The following PDLIM3 variants were observed in gnomAD, a reference collection of about 807,000 sequenced individuals.
PDLIM3 encodes the protein PDZ and LIM domain 3.
A neutral mutation model predicts 37.3 loss-of-function variants in PDLIM3; 36 were observed. That is an observed-to-expected ratio of 0.97 (90% CI 0.74 to 1.28). The LOEUF (loss-of-function observed/expected upper bound fraction) is 1.28. PDLIM3 is among the 50% of genes most tolerant of loss of function. The pLI, the probability that PDLIM3 is intolerant of heterozygous loss-of-function variation, is 0.00. For missense variants in PDLIM3, 454 were observed against 485.0 expected (o/e 0.94, Z 0.60); for synonymous variants, 174 against 182.4 (o/e 0.95, Z 0.37).
At chr4:185,524,743 T>A (rs998061825) in intron 2 of PDLIM3, among the ~76,000 whole-genome samples, 3 of 152,256 alleles carry the variant, frequency 2.0e-5, no homozygotes, top group Non-Finnish European at 4.4e-5. Flanking sequence ...GGCTAATAGT[T>A]CTATTTTCAT....
At chr4:185,518,068 A>T (rs2095717557) in intron 3 of PDLIM3, among the ~76,000 whole-genome samples, 1 of 152,226 alleles carries the variant, frequency 6.6e-6, no homozygotes, top group Admixed American at 6.5e-5. Context: ...ATCTAGAAAA[A>T]ACCACCCAAA....
chr4:185,515,709 T>A (rs2016075), intron 3 of PDLIM3: 1 of 152,164 alleles, frequency 6.6e-6, no homozygotes, highest in South Asian at 2.1e-4. Flanking sequence ...CAACCCTGAG[T>A]TTGAAACATG....
intron 4 of PDLIM3, among the ~76,000 whole-genome samples, chr4:185,511,823 C>A (rs1320373497): frequency 3.3e-5 from 5 of 152,010 alleles, no homozygotes; most frequent in Non-Finnish European, 7.4e-5. Context: ...TGATGGATAC[C>A]CCCAATTACC....
At chr4:185,530,724 C>T (rs943249714) in intron 1 of PDLIM3, among the ~76,000 whole-genome samples, 1 of 152,068 alleles carries the variant, frequency 6.6e-6, no homozygotes, top group Admixed American at 6.6e-5. Context: ...CTGAGTAGCG[C>T]GATGAAGTCT....
At chr4:185,520,367 G>T (rs115616487) in intron 3 of PDLIM3, among the ~76,000 whole-genome samples, 2,723 of 152,204 alleles carry the variant, frequency 0.018, 47 homozygotes, top group East Asian at 0.072. Flanking sequence ...TAGTCATGAC[G>T]CAAAGTCATG....
At chr4:185,523,560 C>A in intron 2 of PDLIM3, 114 bp from the exon 3 acceptor site, 6 of 565,702 alleles carry the variant, frequency 1.1e-5, no homozygotes, top group Admixed American at 4.1e-5. Context: ...CTAACTTATG[C>A]AAAAACAATT....
intron 4 of PDLIM3, chr4:185,513,050 A>G (rs2153334919): frequency 2.0e-6 from 2 of 985,152 alleles, no homozygotes; most frequent in South Asian, 4.7e-5. Context: ...TTTATTGGGC[A>G]TTTATTTTGT....
intron 4 of PDLIM3, among the ~76,000 whole-genome samples, chr4:185,511,053 A>G (rs2095705719): frequency 6.6e-6 from 1 of 152,188 alleles, no homozygotes; most frequent in African/African-American, 2.4e-5. Context: ...TAACACACTC[A>G]ATTACTTCAT....
Position 185,525,305 on chromosome 4 carries a change from A to T in PDLIM3, c.94-134T>A, listed in dbSNP as rs2095731255. 39 of 883,280 alleles carry T rather than the reference A, an allele frequency of 4.4e-5. No homozygotes were observed. In the South Asian group the frequency reaches 5.4e-4, roughly 12 times the overall value. 54.7% of individuals were successfully genotyped at this position (883,280 alleles called of 1,614,324 possible). A position where few individuals can be genotyped will look rare whatever the true frequency, so the allele number is the denominator to read the frequency against. Reference sequence around the variant, plus strand: ...AGAAAGACTGTAAATCTAACTAAAGATAACTCTTAGTTGGTCAGTTGAGTT... The same window carrying T: ...AGAAAGACTGTAAATCTAACTAAAGTTAACTCTTAGTTGGTCAGTTGAGTT... On this transcript the variant is annotated intron_variant, in intron 1 of 7. Coordinates refer to ENST00000284767, the MANE Select transcript of PDLIM3 (RefSeq NM_014476.6).
intron 1 of PDLIM3, among the ~76,000 whole-genome samples, chr4:185,530,558 C>T (rs902289384): frequency 6.6e-6 from 1 of 152,174 alleles, no homozygotes; most frequent in African/African-American, 2.4e-5. Context: ...CATTTTATAT[C>T]ATGTACACAA....
intron 6 of PDLIM3, among the ~76,000 whole-genome samples, chr4:185,505,193 C>T (rs748552139): frequency 2.6e-5 from 4 of 152,184 alleles, no homozygotes; most frequent in Non-Finnish European, 2.9e-5. Flanking sequence ...ATTCATGGTG[C>T]GCCGTGTGTC....
Position 185,523,391 on chromosome 4 carries a change from A to G in PDLIM3, c.301T>C (p.Phe101Leu), listed in dbSNP as rs2095726078. 1.2e-6 allele frequency: 2 copies of G among 1,611,552 alleles called. No homozygotes were observed. Among genetic ancestry groups the G allele is most frequent in the Non-Finnish European group, 8.5e-7 (1 of 1,177,924 alleles). Residue 101 changes from phenylalanine (F) to leucine (L), a missense_variant, in exon 3 of 8, where the codon TTC becomes CTC. Phe to Leu is a conservative substitution (Grantham distance 22). Transcript: ENST00000284767. ...GGTTCTGATTCTAAGTTGATTTTGAAAGGATGGGCTTTCCCATCTTCAGAT... is the reference window on the plus strand; with the variant it reads ...GGTTCTGATTCTAAGTTGATTTTGAGAGGATGGGCTTTCCCATCTTCAGAT... ...QVSEDGKAHP[F>L]KINLESEPQD...
At chr4:185,530,732 TCTTA>T (rs903155980) in intron 1 of PDLIM3, among the ~76,000 whole-genome samples, 1 of 152,120 alleles carries the variant, frequency 6.6e-6, no homozygotes, top group African/African-American at 2.4e-5. Flanking sequence ...CGCGATGAAG[TCTTA>T]CTCTGTCCCA....
Position 185,508,572 on chromosome 4 carries a change from T to A in PDLIM3, c.399-10A>T, listed in dbSNP as rs199979457. On this transcript the variant is annotated splice_polypyrimidine_tract_variant and intron_variant, in intron 4 of 7. Coordinates refer to ENST00000284767, the MANE Select transcript of PDLIM3 (RefSeq NM_014476.6). ...GGGAGTGCTGCATCCACTGTGTTAA[T>A]GGATACACGTTACACAGAGATGGCA... 1 of 1,613,426 alleles carries A rather than the reference T, an allele frequency of 6.2e-7. No individual in the cohort carries two copies. Among genetic ancestry groups the A allele is most frequent in the African/African-American group, 1.3e-5 (1 of 74,898 alleles).
chr4:185,503,513 A>G (rs6552886), intron 7 of PDLIM3, among the ~76,000 whole-genome samples: 113,067 of 152,164 alleles, frequency 0.74, 43,806 homozygotes, highest in Non-Finnish European at 0.86. Flanking sequence ...CTAACCGGAC[A>G]GAGGACACAT....
At chr4:185,523,057 C>T (rs1190946914) in intron 3 of PDLIM3, 5 of 316,496 alleles carry the variant, frequency 1.6e-5, no homozygotes, top group Non-Finnish European at 2.9e-5. Context: ...TAGATTACCT[C>T]ACGGTCATTT....
chr4:185,502,200 CA>C lies in PDLIM3; in HGVS notation c.*93del, dbSNP rs754994101. ...GCCTTGACTTTAGATTTGGAGTTGA[CA>C]ATCTGCACAATCCTTCTGCCCAAAG... On this transcript the variant is annotated 3_prime_UTR_variant, in exon 8 of 8. Coordinates refer to ENST00000284767, the MANE Select transcript of PDLIM3 (RefSeq NM_014476.6). 7.7e-5 allele frequency: 98 copies of C among 1,271,498 alleles called. No individual in the cohort carries two copies. Among genetic ancestry groups the C allele is most frequent in the Non-Finnish European group, 1.0e-4 (90 of 881,892 alleles). The allele number at this position is 1,271,498 out of a possible 1,614,324, so 78.8% of individuals were successfully genotyped here. A position where few individuals can be genotyped will look rare whatever the true frequency, so the allele number is the denominator to read the frequency against.
At position 185,504,667 on chromosome 4, in the gene PDLIM3, C is replaced by G. The variant is rs893681946; in HGVS notation, c.794-81G>C. The G allele has an allele frequency of 9.8e-6, 11 of 1,123,176 alleles. No homozygotes were observed. Among genetic ancestry groups the G allele is most frequent in the Middle Eastern group, 2.1e-4 (1 of 4,794 alleles). 69.6% of individuals were successfully genotyped at this position (1,123,176 alleles called of 1,614,324 possible). On this transcript the variant is annotated intron_variant, in intron 6 of 7. Transcript: ENST00000284767. This position sits in a 1 kb window ranked among gnomAD's most constrained non-coding sequence, Gnocchi z 4.7. ...CTTGGCTTCTATTTTAAAGTGTGCA[C>G]TTTAACCTGAAGTTGCATCTGCACC...
At position 185,513,440 on chromosome 4, in the gene PDLIM3, T is replaced by C. The variant is rs78352312; in HGVS notation, c.398+830A>G. On this transcript the variant is annotated intron_variant, in intron 4 of 7. Transcript: ENST00000284767. ...GTCACACATGTATGAAAATGGGCCG[T>C]GTCTCACACACTTAAGAGTGATGTG... 0.012 allele frequency: 11,374 copies of C among 933,276 alleles called. 1,028 individuals are homozygous for C. In the African/African-American group the frequency reaches 0.19, roughly 15 times the overall value. The allele number at this position is 933,276 out of a possible 1,614,324, so 57.8% of individuals were successfully genotyped here.
Sources: gnomAD v4.1 joint callset for allele counts (sites outside exome capture counted in the v4.1 genomes callset) on GRCh38, gnomAD v4.1.1 for gene constraint, Gnocchi (gnomAD v3.1) non-coding constraint, MANE v1.5 for transcripts, NCBI Gene and HGNC (gene_info 2026-07-23, HGNC 2026-07-21) for gene names.